The following TMPRSS15 variants were observed in gnomAD, a reference collection of about 807,000 sequenced individuals.
TMPRSS15 encodes transmembrane serine protease 15, also known as enteropeptidase.
In TMPRSS15, 128 loss-of-function variants were observed where a neutral mutation model predicts 125.3. That is an observed-to-expected ratio of 1.02 (90% CI 0.89 to 1.18). The LOEUF is 1.18. Among genes scored for constraint, TMPRSS15 ranks in the 50% most tolerant of loss-of-function variants. TMPRSS15 has a pLI of 0.00. For synonymous variants in TMPRSS15, 446 were observed against 423.2 expected (o/e 1.05, Z -0.66); for missense variants, 1,283 against 1,212.7 (o/e 1.06, Z -0.86).
intron 18 of TMPRSS15, among the ~76,000 whole-genome samples, chr21:18,309,653 A>T (rs1223807243): frequency 2.0e-5 from 3 of 152,228 alleles, no homozygotes; most frequent in African/African-American, 7.2e-5. Context: ...GAAGACATTT[A>T]TGCAGCCAAC....
At chr21:18,421,920 C>T (rs1169912204) in intron 1 of TMPRSS15, among the ~76,000 whole-genome samples, 1 of 151,744 alleles carries the variant, frequency 6.6e-6, no homozygotes, top group East Asian at 1.9e-4. Context: ...CAGCTTTGGG[C>T]ATGGGACAGC....
intron 1 of TMPRSS15, among the ~76,000 whole-genome samples, chr21:18,468,880 G>C (rs1978721189): frequency 6.6e-6 from 1 of 152,144 alleles, no homozygotes; most frequent in African/African-American, 2.4e-5. Context: ...TCAAAAATAT[G>C]TTCTGGTAAT....
chr21:18,470,987 AT>A (rs11396753), intron 1 of TMPRSS15, among the ~76,000 whole-genome samples: 1 of 151,560 alleles, frequency 6.6e-6, no homozygotes, highest in African/African-American at 2.4e-5. Flanking sequence ...AATTAGGATA[AT>A]TTTTTTCAAT....
At chr21:18,459,119 T>C (rs1403437930) in intron 1 of TMPRSS15, among the ~76,000 whole-genome samples, 1 of 152,156 alleles carries the variant, frequency 6.6e-6, no homozygotes, top group Non-Finnish European at 1.5e-5. Context: ...TTTAGTTTTA[T>C]TCCATGTGGA....
intron 1 of TMPRSS15, among the ~76,000 whole-genome samples, chr21:18,452,474 C>T (rs1393761443): frequency 2.0e-5 from 3 of 152,020 alleles, no homozygotes; most frequent in African/African-American, 7.2e-5. Flanking sequence ...GACCAGCCTA[C>T]GCAACATGGC....
intron 11 of TMPRSS15, 71 bp downstream of exon 11, chr21:18,343,884 G>T: frequency 2.9e-6 from 4 of 1,394,458 alleles, no homozygotes; most frequent in Non-Finnish European, 4.1e-6. Flanking sequence ...TGAAATATGA[G>T]CCTGGTGGCC....
intron 24 of TMPRSS15, among the ~76,000 whole-genome samples, chr21:18,273,879 C>T (rs1172366455): frequency 6.6e-6 from 1 of 152,152 alleles, no homozygotes; most frequent in East Asian, 1.9e-4. Context: ...GGAAGTTTAA[C>T]ACAACTGAAG....
At chr21:18,290,058 C>T (rs754476760) in intron 21 of TMPRSS15, among the ~76,000 whole-genome samples, 1 of 152,218 alleles carries the variant, frequency 6.6e-6, no homozygotes, top group Non-Finnish European at 1.5e-5. Context: ...AATTCTCAAA[C>T]TCCTTTTTGT....
chr21:18,271,887 G>A (rs1255199997), intron 24 of TMPRSS15, among the ~76,000 whole-genome samples: 1 of 152,106 alleles, frequency 6.6e-6, no homozygotes, highest in Non-Finnish European at 1.5e-5. Flanking sequence ...CTTCATCCAT[G>A]TCCCTGCAAA....
intron 24 of TMPRSS15, among the ~76,000 whole-genome samples, chr21:18,272,888 G>A (rs1233456926): frequency 6.6e-6 from 1 of 152,142 alleles, no homozygotes; most frequent in Non-Finnish European, 1.5e-5. Flanking sequence ...TTGAGTGTCT[G>A]AGTGCAAGGG....
chr21:18,452,953 T>C lies in TMPRSS15; in HGVS notation c.10+32846A>G, dbSNP rs189922851. ...TTTTATTGTTTTTGTAGTATGAACG[T>C]GCAACATAAGATCTACCATCTTAAC... On this transcript the variant is annotated intron_variant, in intron 1 of 7. Transcript: ENST00000422787. Among the ~76,000 whole-genome samples, 51 of 152,286 alleles carry C rather than the reference T, an allele frequency of 3.3e-4. No individual in the cohort carries two copies. In the East Asian group the frequency reaches 7.9e-3, roughly 24 times the overall value.
At chr21:18,333,507 AAATCATTT>A (rs1250873275) in intron 13 of TMPRSS15, among the ~76,000 whole-genome samples, 1 of 152,226 alleles carries the variant, frequency 6.6e-6, no homozygotes, top group African/African-American at 2.4e-5. Context: ...AAAGGCTAGT[AAATCATTT>A]AATTCTGCAA....
At position 18,312,820 on chromosome 21, in the gene TMPRSS15, CT is replaced by C. The variant is rs2075115369; in HGVS notation, c.2165+124del. The C allele has an allele frequency of 6.3e-6, 8 of 1,269,778 alleles. No homozygotes were observed. In the African/African-American group the frequency reaches 1.2e-4, roughly 19 times the overall value. The allele number at this position is 1,269,778 out of a possible 1,614,324, so 78.7% of individuals were successfully genotyped here. A position where few individuals can be genotyped will look rare whatever the true frequency, so the allele number is the denominator to read the frequency against. On this transcript the variant is annotated intron_variant, in intron 18 of 24. Transcript: ENST00000284885. ...GTTAATCAAGATTTTTATTTTCTCC[CT>C]TTTGCTAATGTGTATTTTCTAAATT... is the stretch of plus-strand genomic sequence containing the variant.
At chr21:18,300,124 TGGA>T (rs1568992041) in intron 18 of TMPRSS15, among the ~76,000 whole-genome samples, 4,204 of 151,794 alleles carry the variant, frequency 0.028, 85 homozygotes, top group Non-Finnish European at 0.044. Context: ...GCTCGTCTCT[TGGA>T]TATATCCCCC....
chr21:18,473,453 C>T (rs993572180), intron 1 of TMPRSS15, among the ~76,000 whole-genome samples: 3 of 152,060 alleles, frequency 2.0e-5, no homozygotes, highest in Non-Finnish European at 4.4e-5. Context: ...AAAAGAACCT[C>T]ATAATATATG....
intron 1 of TMPRSS15, among the ~76,000 whole-genome samples, chr21:18,466,346 G>A (rs193286483): frequency 6.6e-6 from 1 of 152,018 alleles, no homozygotes; most frequent in East Asian, 1.9e-4. Context: ...CAGGACATAG[G>A]CATGGGCAAA....
intron 23 of TMPRSS15, among the ~76,000 whole-genome samples, chr21:18,277,030 T>C (rs1355547554): frequency 6.6e-6 from 1 of 151,958 alleles, no homozygotes; most frequent in Non-Finnish European, 1.5e-5. Context: ...CCTCCCAAAG[T>C]GTTGGGTTTA....
chr21:18,449,781 C>G (rs2076263442), intron 1 of TMPRSS15, among the ~76,000 whole-genome samples: 1 of 152,016 alleles, frequency 6.6e-6, no homozygotes, highest in African/African-American at 2.4e-5. Context: ...GAATCACTCT[C>G]AGACCATTTC....
In TMPRSS15 at chr21:18,278,925, T is replaced by TTTG; in HGVS notation, c.2764+38_2764+39insCAA. On this transcript the variant is annotated intron_variant, in intron 23 of 24. Transcript: ENST00000284885. ...GACAGTCTGTTTTTCACCAGTAAGG[T>TTTG]TTTTTTTTTTTTTTTTTTTTTTGAG... 3.7e-5 allele frequency: 7 copies of TTTG among 187,790 alleles called. No homozygotes were observed. The African/African-American group carries it at 7.3e-4, about 20-fold the overall frequency. The allele number at this position is 187,790 out of a possible 1,614,324, so 11.6% of individuals were successfully genotyped here.
Sources: gnomAD v4.1 joint callset for allele counts (sites outside exome capture counted in the v4.1 genomes callset) on GRCh38, gnomAD v4.1.1 for gene constraint, MANE v1.5 for transcripts, NCBI Gene and HGNC (gene_info 2026-07-23, HGNC 2026-07-21) for gene names.